The following SPATA16 variants were observed in gnomAD, a reference collection of about 807,000 sequenced individuals.
The protein encoded by SPATA16 is spermatogenesis associated 16.
Under a neutral mutation model 63.3 loss-of-function variants are expected in SPATA16, and 36 were observed. The ratio of observed to expected loss-of-function variants is 0.57; its 90% CI spans 0.44 to 0.75. The LOEUF (loss-of-function observed/expected upper bound fraction) is 0.75. Among genes scored for constraint, SPATA16 ranks in the 30% least tolerant of loss-of-function variants. The pLI is 0.00. For synonymous variants in SPATA16, 203 were observed against 216.7 expected, an observed-to-expected ratio of 0.94 and a Z score of 0.56; for missense variants, 646 against 679.3, an observed-to-expected ratio of 0.95 and a Z score of 0.54.
intron 2 of SPATA16, among the ~76,000 whole-genome samples, chr3:173,075,182 A>G (rs1164764913): frequency 1.3e-5 from 2 of 151,898 alleles, no homozygotes; most frequent in African/African-American, 2.4e-5. Flanking sequence ...TCATGGAGAA[A>G]TAAAAAAGAT....
intron 10 of SPATA16, among the ~76,000 whole-genome samples, chr3:172,913,158 C>G (rs917816737): frequency 6.6e-6 from 1 of 152,170 alleles, no homozygotes; most frequent in Non-Finnish European, 1.5e-5. Flanking sequence ...CCAGGTGCAT[C>G]TCGGCACTTC....
intron 6 of SPATA16, among the ~76,000 whole-genome samples, chr3:172,938,691 C>A (rs1450975987): frequency 6.6e-6 from 1 of 152,118 alleles, no homozygotes; most frequent in Non-Finnish European, 1.5e-5. Flanking sequence ...AAATAAATAA[C>A]TTGATAAGCA....
At chr3:173,062,675 T>G (rs1461523753) in intron 2 of SPATA16, among the ~76,000 whole-genome samples, 1 of 152,174 alleles carries the variant, frequency 6.6e-6, no homozygotes, top group Non-Finnish European at 1.5e-5. Flanking sequence ...AAATACTGCT[T>G]CTCAACTGGC....
intron 2 of SPATA16, among the ~76,000 whole-genome samples, chr3:173,067,750 C>T (rs1257178438): frequency 4.6e-5 from 7 of 151,896 alleles, no homozygotes; most frequent in Admixed American, 3.9e-4. Flanking sequence ...CATGAATGTC[C>T]AGGTACAAGA....
chr3:172,889,805 A>C, intron 10 of SPATA16, 113 bp from the exon 11 acceptor site: 2 of 1,429,602 alleles, frequency 1.4e-6, no homozygotes, highest in Non-Finnish European at 1.9e-6. Context: ...CCATGTTGGA[A>C]CAGAACTGGC....
intron 4 of SPATA16, among the ~76,000 whole-genome samples, chr3:173,006,294 T>C (rs897217903): frequency 7.2e-5 from 11 of 152,210 alleles, no homozygotes; most frequent in African/African-American, 2.7e-4. Flanking sequence ...CAAAGATTAA[T>C]GCTAGAACAC....
chr3:173,074,265 T>A (rs569857770), intron 2 of SPATA16, among the ~76,000 whole-genome samples: 3 of 152,042 alleles, frequency 2.0e-5, no homozygotes, highest in Non-Finnish European at 4.4e-5. Context: ...TGGGAAGGCA[T>A]GATTGGTTTT....
intron 5 of SPATA16, among the ~76,000 whole-genome samples, chr3:172,963,646 ACTTAATGC>A (rs1343199903): frequency 2.0e-5 from 3 of 152,138 alleles, no homozygotes; most frequent in Non-Finnish European, 4.4e-5. Context: ...TAACTTCTGC[ACTTAATGC>A]CTAAAATTTA....
At chr3:173,078,187 C>T (rs1256087240) in intron 2 of SPATA16, among the ~76,000 whole-genome samples, 5 of 152,028 alleles carry the variant, frequency 3.3e-5, no homozygotes, top group South Asian at 4.1e-4. Flanking sequence ...ATCATCACAA[C>T]GCTTTAGTAA....
At position 173,130,358 on chromosome 3, in the gene SPATA16, C is replaced by CAAAAA. The variant is rs1202660573; in HGVS notation, c.-19+10740_-19+10744dup. 8.4e-3 allele frequency among the ~76,000 whole-genome samples: 335 copies of CAAAAA among 39,866 alleles called. 17 individuals are homozygous for CAAAAA. Among genetic ancestry groups the CAAAAA allele is most frequent in the East Asian group, 0.029 (35 of 1,192 alleles). The allele number at this position is 39,866 out of a possible 152,430, so 26.2% of individuals were successfully genotyped here. A position where few individuals can be genotyped will look rare whatever the true frequency, so the allele number is the denominator to read the frequency against. On this transcript the variant is annotated intron_variant, in intron 1 of 10. Transcript: ENST00000351008. ...CTGGCGACAGAGTGAGACTTCGTCT[C>CAAAAA]AAAAAAAAAAAAAAAAAAAAAAAAA...
Position 172,947,954 on chromosome 3 carries a change from GA to G in SPATA16, c.1081+8722del, listed in dbSNP as rs1377829768. On this transcript the variant is annotated intron_variant, in intron 6 of 10. Coordinates refer to ENST00000351008, the MANE Select transcript of SPATA16 (RefSeq NM_031955.6). ...AGAACTTAAAGTAAAATTAAAAAAAGAAAAAAAGAATGAAGCATGCCTTCAA... is the reference window on the plus strand; with the variant it reads ...AGAACTTAAAGTAAAATTAAAAAAAGAAAAAAGAATGAAGCATGCCTTCAA... 5.9e-5 allele frequency among the ~76,000 whole-genome samples: 9 copies of G among 151,824 alleles called. No individual in the cohort carries two copies. The East Asian group carries it at 1.7e-3, about 29-fold the overall frequency.
chr3:172,927,019 A>AT (rs1203347925), intron 6 of SPATA16, among the ~76,000 whole-genome samples: 13 of 152,168 alleles, frequency 8.5e-5, no homozygotes, highest in Admixed American at 8.5e-4. Context: ...AGCCTTCACT[A>AT]TTTGTCTGTA....
At chr3:172,925,161 G>C (rs893506772) in intron 7 of SPATA16, among the ~76,000 whole-genome samples, 185 bp downstream of exon 7, 9 of 152,058 alleles carry the variant, frequency 5.9e-5, no homozygotes, top group African/African-American at 2.2e-4. Context: ...TTAGAGTGAG[G>C]GGGGTGGGCA....
intron 6 of SPATA16, among the ~76,000 whole-genome samples, chr3:172,952,089 AAC>A (rs1275336793): frequency 5.3e-5 from 8 of 152,180 alleles, no homozygotes; most frequent in Admixed American, 1.3e-4. Context: ...GGCGGGTACA[AAC>A]ACATGTTTAT....
chr3:173,023,148 T>C (rs908240036), intron 3 of SPATA16, among the ~76,000 whole-genome samples: 3 of 151,442 alleles, frequency 2.0e-5, no homozygotes, highest in African/African-American at 7.3e-5. Context: ...TGTGTGTGTG[T>C]GTGTGTGTGT....
intron 4 of SPATA16, among the ~76,000 whole-genome samples, chr3:173,006,973 C>T (rs545856034): frequency 5.3e-5 from 8 of 152,262 alleles, no homozygotes; most frequent in African/African-American, 1.7e-4. Flanking sequence ...TAATGTGTCT[C>T]GTCTTAGGCT....
At chr3:172,958,952 C>G (rs958770244) in intron 5 of SPATA16, among the ~76,000 whole-genome samples, 1 of 152,140 alleles carries the variant, frequency 6.6e-6, no homozygotes, top group African/African-American at 2.4e-5. Flanking sequence ...CTCTGAGGCA[C>G]TAGGGGTTAG....
chr3:172,939,615 G>A (rs532665711), intron 6 of SPATA16, among the ~76,000 whole-genome samples: 13 of 152,172 alleles, frequency 8.5e-5, no homozygotes, highest in African/African-American at 1.9e-4. Flanking sequence ...CACAGACTAC[G>A]ATTACACTGA....
intron 1 of SPATA16, among the ~76,000 whole-genome samples, chr3:173,134,878 A>G (rs1738497562): frequency 2.6e-5 from 4 of 152,244 alleles, no homozygotes; most frequent in Non-Finnish European, 5.9e-5. Context: ...ATGTAAAAAA[A>G]ACAACATTAA....
Sources: gnomAD v4.1 joint callset for allele counts (sites outside exome capture counted in the v4.1 genomes callset) on GRCh38, gnomAD v4.1.1 for gene constraint, MANE v1.5 for transcripts, NCBI Gene and HGNC (gene_info 2026-07-23, HGNC 2026-07-21) for gene names.